Variants in TPRG1 observed in about 807,000 individuals in gnomAD.
The protein encoded by TPRG1 is tumor protein p63 regulated 1.
Under a neutral mutation model 29.3 loss-of-function variants are expected in TPRG1, and 29 were observed. The ratio of observed to expected loss-of-function variants is 0.99; its 90% CI spans 0.74 to 1.35. The LOEUF (loss-of-function observed/expected upper bound fraction) is 1.35. Ranked by LOEUF, TPRG1 falls within the 40% of genes most tolerant of loss-of-function variation. TPRG1 has a pLI of 0.00. For synonymous variants in TPRG1, 130 were observed against 116.8 expected (o/e 1.11, Z -0.73); for missense variants, 327 against 335.0 (o/e 0.98, Z 0.19).
chr3:189,106,104 GAAACA>G (rs537389976), intron 1 of TPRG1, among the ~76,000 whole-genome samples: 14 of 151,916 alleles, frequency 9.2e-5, no homozygotes, highest in Admixed American at 3.3e-4. Flanking sequence ...TGTTCTACCA[GAAACA>G]AAACAAAACA....
At chr3:189,055,227 G>A (rs1241415253) in intron 4 of TPRG1, among the ~76,000 whole-genome samples, 1 of 152,164 alleles carries the variant, frequency 6.6e-6, no homozygotes, top group African/African-American at 2.4e-5. Context: ...TTCTTCTAGT[G>A]TTATCTCTTA....
At chr3:189,213,772 G>A (rs907669644) in intron 2 of TPRG1, among the ~76,000 whole-genome samples, 21 of 151,948 alleles carry the variant, frequency 1.4e-4, no homozygotes, top group African/African-American at 4.6e-4. Context: ...TGCAGAAAAT[G>A]GCATATTTCA....
intron 3 of TPRG1, among the ~76,000 whole-genome samples, chr3:189,144,066 C>A (rs1044051918): frequency 3.9e-5 from 6 of 152,310 alleles, no homozygotes; most frequent in African/African-American, 9.6e-5. Flanking sequence ...GTCAGTCATA[C>A]ATGTTTTACT....
At chr3:189,281,171 G>A (rs1717065978) in intron 4 of TPRG1, among the ~76,000 whole-genome samples, 1 of 152,134 alleles carries the variant, frequency 6.6e-6, no homozygotes, top group South Asian at 2.1e-4. Context: ...GGAAGCTAAC[G>A]AATAGAGAGG....
intron 5 of TPRG1, among the ~76,000 whole-genome samples, chr3:189,154,853 AAAAT>A (rs1327565235): frequency 2.6e-5 from 4 of 152,212 alleles, no homozygotes; most frequent in African/African-American, 7.2e-5. Context: ...TTAGAAAGAA[AAAAT>A]AAATCAGGAA....
chr3:189,139,744 CTG>C (rs1301178592), intron 3 of TPRG1, among the ~76,000 whole-genome samples: 1 of 150,810 alleles, frequency 6.6e-6, no homozygotes, highest in Non-Finnish European at 1.5e-5. Flanking sequence ...CCCATGGCAT[CTG>C]TGTGCAGTGA....
rs769806298 is a variant in TPRG1, at chr3:189,238,826, T to G, written c.396T>G (p.Cys132Trp). ...ICKYDFIMLS[C>W]VQLQRIPLSA... ...AATACGACTTCATCATGCTGAGTTGTGTGCAGCTGCAGCGGATTCCTCTGA... is the reference window on the plus strand; with the variant it reads ...AATACGACTTCATCATGCTGAGTTGGGTGCAGCTGCAGCGGATTCCTCTGA... Residue 132 changes from cysteine to tryptophan, a missense_variant, in exon 4 of 6, where the codon TGT (cysteine) becomes TGG (tryptophan). Physicochemically the swap from Cys to Trp is radical, Grantham distance 215. Coordinates refer to ENST00000345063, the MANE Select transcript of TPRG1 (RefSeq NM_198485.4). 4.3e-6 allele frequency: 7 copies of G among 1,613,822 alleles called. No individual in the cohort carries two copies. Among genetic ancestry groups the G allele is most frequent in the Non-Finnish European group, 5.1e-6 (6 of 1,179,738 alleles).
chr3:189,101,910 A>G (rs1379767853), intron 1 of TPRG1, among the ~76,000 whole-genome samples: 1 of 152,184 alleles, frequency 6.6e-6, no homozygotes, highest in African/African-American at 2.4e-5. Flanking sequence ...TGCTATATAC[A>G]ACCCTATGAG....
intron 4 of TPRG1, among the ~76,000 whole-genome samples, chr3:189,070,635 T>C (rs748064047): frequency 8.5e-5 from 13 of 152,248 alleles, no homozygotes; most frequent in Non-Finnish European, 1.6e-4. Context: ...AATCAACGTA[T>C]AGTAAGAAAG....
intron 5 of TPRG1, among the ~76,000 whole-genome samples, chr3:189,312,873 T>A (rs149443217): frequency 6.6e-6 from 1 of 152,212 alleles, no homozygotes; most frequent in East Asian, 1.9e-4. Flanking sequence ...TTGATGTTCA[T>A]GTAGCTCTTA....
intron 4 of TPRG1, among the ~76,000 whole-genome samples, chr3:189,254,147 GT>G (rs1311840830): frequency 1.3e-5 from 2 of 152,108 alleles, no homozygotes; most frequent in African/African-American, 4.8e-5. Flanking sequence ...GATTTTTATG[GT>G]TTTAGGTCTT....
At chr3:189,133,778 T>C (rs143250555) in intron 3 of TPRG1, among the ~76,000 whole-genome samples, 11 of 152,274 alleles carry the variant, frequency 7.2e-5, no homozygotes, top group African/African-American at 2.6e-4. Flanking sequence ...CAAGAGAAGA[T>C]CTACAGGAGA....
At position 189,117,799 on chromosome 3, in the gene TPRG1, C is replaced by A. The variant is rs113534774; in HGVS notation, c.-743-9258C>A. Among the ~76,000 whole-genome samples, 1,087 of 152,296 alleles carry A rather than the reference C, an allele frequency of 7.1e-3. 9 individuals carry two copies. The highest frequency in any genetic ancestry group is 0.025 in the African/African-American group (1,041 of 41,542). The stretch of plus-strand genomic sequence containing the variant: ...GCCTTCTGCCATGTTTGTAAGTTTC[C>A]TGAGGCCTCCCCAGCCATGTGAACT... On this transcript the variant is annotated intron_variant, in intron 1 of 6. Coordinates refer to the TPRG1 transcript ENST00000412373.
At chr3:189,296,331 A>C (rs1410472001) in intron 4 of TPRG1, among the ~76,000 whole-genome samples, 3 of 152,268 alleles carry the variant, frequency 2.0e-5, no homozygotes, top group African/African-American at 7.2e-5. Flanking sequence ...GAAAAAGCTT[A>C]GAAATTAGAA....
intron 3 of TPRG1, among the ~76,000 whole-genome samples, chr3:189,006,573 A>G (rs886305090): frequency 4.6e-5 from 7 of 152,130 alleles, no homozygotes; most frequent in African/African-American, 1.4e-4. Context: ...AGTTCTAATC[A>G]CAAGGCAAAA....
chr3:189,012,263 G>A (rs1006330259), intron 3 of TPRG1, among the ~76,000 whole-genome samples: 16 of 152,174 alleles, frequency 1.1e-4, no homozygotes, highest in Admixed American at 3.9e-4. Context: ...GATATTGGTT[G>A]TGGGTTTGTC....
At chr3:189,049,445 C>T (rs1360553391) in intron 4 of TPRG1, among the ~76,000 whole-genome samples, 2 of 152,096 alleles carry the variant, frequency 1.3e-5, no homozygotes, top group African/African-American at 4.8e-5. Flanking sequence ...TACACAACTC[C>T]AGTGACCTGG....
chr3:189,116,452 C>G (rs1054586434), intron 1 of TPRG1, among the ~76,000 whole-genome samples: 6 of 152,198 alleles, frequency 3.9e-5, no homozygotes, highest in African/African-American at 2.4e-5. Context: ...GCTGGGATTA[C>G]AGACATGAGC....
chr3:189,012,798 T>A (rs77304685), intron 3 of TPRG1, among the ~76,000 whole-genome samples: 2 of 152,342 alleles, frequency 1.3e-5, no homozygotes, highest in African/African-American at 4.8e-5. Flanking sequence ...GTTTATAATA[T>A]CCTCTGATAG....
Sources: allele counts gnomAD v4.1 joint callset (sites outside exome capture counted in the v4.1 genomes callset), GRCh38; gene constraint gnomAD v4.1.1; transcripts MANE v1.5; gene names NCBI Gene and HGNC (gene_info 2026-07-23, HGNC 2026-07-21).